GPR143: variants seen among roughly 807,000 people sequenced by gnomAD.
The protein encoded by GPR143 is G protein-coupled receptor 143, also known as G-protein coupled receptor 143.
Under a neutral mutation model 27.6 loss-of-function variants are expected in GPR143, and 8 were observed. The observed-to-expected ratio is 0.29, with a 90% CI of 0.17 to 0.52. The LOEUF (loss-of-function observed/expected upper bound fraction) is 0.52, where lower values mean the gene tolerates loss of function less well. GPR143 is among the 20% of genes least tolerant of loss of function. The pLI is 0.96. For synonymous variants in GPR143, 156 were observed against 153.2 expected (o/e 1.02, Z -0.13); for missense variants, 303 against 343.1 (o/e 0.88, Z 0.92).
At chrX:9,732,713 A>ATT (rs1484148330) in intron 8 of GPR143, among the ~76,000 whole-genome samples, 1 of 109,413 alleles carries the variant, frequency 9.1e-6, no homozygotes, top group Non-Finnish European at 1.9e-5. Context: ...AAATACAAAA[A>ATT]TTAGCCAGGC....
upstream of GPR143, among the ~76,000 whole-genome samples, chrX:9,770,357 G>GA (rs1569127506): frequency 1.0e-2 from 936 of 93,660 alleles, 24 homozygotes; most frequent in African/African-American, 0.034. Flanking sequence ...GAGAGAGAGA[G>GA]GAAGACCAGC....
intron 7 of GPR143, among the ~76,000 whole-genome samples, chrX:9,740,531 T>A (rs892294008): frequency 3.5e-5 from 4 of 112,810 alleles, no homozygotes; most frequent in African/African-American, 1.3e-4. Context: ...TTCATGTATG[T>A]CCATCCAATA....
At position 9,749,147 on chromosome X, in the gene GPR143, G is replaced by A; in HGVS notation, c.456-481C>T. Among the ~76,000 whole-genome samples the A allele has an allele frequency of 2.7e-5, 3 of 111,637 alleles. No homozygotes were observed. In the Admixed American group the frequency reaches 2.8e-4, roughly 11 times the overall value. On this transcript the variant is annotated intron_variant, in intron 3 of 8. Transcript: ENST00000467482. ...ACCAGGTGGAGGTAATTGAATCATG[G>A]GGGCGGTTTCCCCCATGCTGTTCTC... is the stretch of plus-strand genomic sequence containing the variant.
At chrX:9,740,326 A>G (rs1300660727) in intron 7 of GPR143, among the ~76,000 whole-genome samples, 1 of 112,742 alleles carries the variant, frequency 8.9e-6, no homozygotes, top group Non-Finnish European at 1.9e-5. Flanking sequence ...GCAGGGATGG[A>G]AGGACCGGTG....
intron 8 of GPR143, among the ~76,000 whole-genome samples, chrX:9,728,348 G>C (rs1026084679): frequency 9.4e-6 from 1 of 106,677 alleles, no homozygotes; most frequent in African/African-American, 3.5e-5. Context: ...GCAGGAACAA[G>C]CACAATTTTA....
At chrX:9,741,546 A>C in intron 6 of GPR143, 91 bp from the exon 7 acceptor site, 2 of 530,208 alleles carry the variant, frequency 3.8e-6, no homozygotes, top group Non-Finnish European at 7.0e-6. Context: ...TTCTACCAAG[A>C]CCTAAAAGTA....
At chrX:9,756,179 AAATG>A (rs1298761827) in intron 3 of GPR143, among the ~76,000 whole-genome samples, 4 of 112,147 alleles carry the variant, frequency 3.6e-5, no homozygotes, top group African/African-American at 1.3e-4. Context: ...TTTATTCAAT[AAATG>A]GTGCTGGGAC....
intron 6 of GPR143, 30 bp downstream of exon 6, chrX:9,743,534 TA>T: frequency 1.2e-6 from 1 of 847,940 alleles, no homozygotes; most frequent in Non-Finnish European, 1.8e-6. Context: ...CCACTGGCAA[TA>T]AAAATACACA....
At chrX:9,766,903 T>TCACACA (rs58553907), upstream of GPR143, among the ~76,000 whole-genome samples, 486 of 86,895 alleles carry the variant, frequency 5.6e-3, 1 homozygote, top group South Asian at 0.014. Flanking sequence ...TCTCTCTCTC[T>TCACACA]CACACACACA....
At chrX:9,735,558 TAA>T (rs75375720) in intron 8 of GPR143, among the ~76,000 whole-genome samples, 2 of 105,948 alleles carry the variant, frequency 1.9e-5, no homozygotes, top group African/African-American at 6.8e-5. Context: ...TTCACAGGTT[TAA>T]AAAAAAAAAC....
chrX:9,752,795 G>A (rs1467375902), intron 3 of GPR143, among the ~76,000 whole-genome samples: 1 of 111,079 alleles, frequency 9.0e-6, no homozygotes, highest in African/African-American at 3.3e-5. Flanking sequence ...GCAGTGAGCT[G>A]TGATCATGCC....
At chrX:9,750,172 G>A (rs2083445465) in intron 3 of GPR143, among the ~76,000 whole-genome samples, 2 of 112,337 alleles carry the variant, frequency 1.8e-5, no homozygotes, top group Non-Finnish European at 3.8e-5. Flanking sequence ...CTGTGAGTAG[G>A]GCTGCTATGA....
intron 2 of GPR143, among the ~76,000 whole-genome samples, chrX:9,759,713 G>A (rs1334105531): frequency 1.8e-5 from 2 of 111,943 alleles, no homozygotes; most frequent in African/African-American, 6.5e-5. Flanking sequence ...GGCTCAAGGG[G>A]GCTTTGAACT....
intron 1 of GPR143, among the ~76,000 whole-genome samples, chrX:9,772,190 C>T (rs898584557): frequency 1.8e-5 from 2 of 111,674 alleles, no homozygotes; most frequent in African/African-American, 6.5e-5. Context: ...GAGGCAAATA[C>T]GCGATTTGTG....
upstream of GPR143, among the ~76,000 whole-genome samples, chrX:9,767,167 A>G (rs1385125692): frequency 4.9e-5 from 5 of 102,762 alleles, no homozygotes; most frequent in Non-Finnish European, 1.0e-4. Flanking sequence ...CAGTAAGCAT[A>G]CTAAGATTTT....
intron 1 of GPR143, 76 bp downstream of exon 1, chrX:9,765,492 G>A (rs2083526621): frequency 1.1e-6 from 1 of 949,501 alleles, no homozygotes; most frequent in African/African-American, 2.1e-5. Context: ...GCACCAGTCG[G>A]GTCTCAACCT....
chrX:9,748,423 C>T, intron 4 of GPR143, 151 bp downstream of exon 4: 1 of 503,605 alleles, frequency 2.0e-6, no homozygotes, highest in East Asian at 3.6e-5. Context: ...CCCTCTGGGG[C>T]TGGGCCGTGA....
rs749933516 is a variant in GPR143, at chrX:9,739,474, CAG to C, written c.1120+9_1120+10del. On this transcript the variant is annotated intron_variant, in intron 8 of 8. Coordinates refer to ENST00000467482, the MANE Select transcript of GPR143 (RefSeq NM_000273.3). Reference sequence around the variant, plus strand: ...CCCGAAGTCTACCTGCTGTGGCAGACAGGGCATTACCTTCAGACAGCATGCTC... The same window carrying C: ...CCCGAAGTCTACCTGCTGTGGCAGACGGCATTACCTTCAGACAGCATGCTC... The C allele has an allele frequency of 6.1e-6, 7 of 1,150,299 alleles. No homozygotes were observed. The Admixed American group carries it at 1.5e-4, about 25-fold the overall frequency. The allele number at this position is 1,150,299 out of a possible 1,213,427, so 94.8% of individuals were successfully genotyped here. A position where few individuals can be genotyped will look rare whatever the true frequency, so the allele number is the denominator to read the frequency against.
At chrX:9,766,901 TCTCACACACACACA>T (rs1367690954), upstream of GPR143, among the ~76,000 whole-genome samples, 239 of 65,152 alleles carry the variant, frequency 3.7e-3, 1 homozygote, top group African/African-American at 0.015. Context: ...TATCTCTCTC[TCTCACACACACACA>T]CACACACACA....
Sources: allele counts gnomAD v4.1 joint callset (sites outside exome capture counted in the v4.1 genomes callset), GRCh38; gene constraint gnomAD v4.1.1; transcripts MANE v1.5; gene names NCBI Gene and HGNC (gene_info 2026-07-23, HGNC 2026-07-21).